Variants in EFHD1 observed in about 807,000 individuals in gnomAD.
EFHD1 encodes the protein EF-hand domain family member D1.
EFHD1 carries 10 observed loss-of-function variants against 17.2 expected under a neutral mutation model. That is an observed-to-expected ratio of 0.58 (90% CI 0.36 to 0.99). The LOEUF (loss-of-function observed/expected upper bound fraction) is 0.99, where lower values mean the gene tolerates loss of function less well. Ranked by LOEUF, EFHD1 falls within the 50% of genes least tolerant of loss-of-function variation. The probability of loss-of-function intolerance (pLI) is 0.01; values close to 1 mark genes in which losing one functional copy is unlikely to be tolerated. For synonymous variants in EFHD1, 153 were observed against 142.0 expected (o/e 1.08, Z -0.55); for missense variants, 310 against 327.5 (o/e 0.95, Z 0.41).
intron 3 of EFHD1, among the ~76,000 whole-genome samples, chr2:232,678,070 T>C (rs531804033): frequency 4.6e-5 from 7 of 151,046 alleles, no homozygotes; most frequent in Non-Finnish European, 1.0e-4. Context: ...CTCACTTGAG[T>C]TTAGGAGTTT....
intron 1 of EFHD1, chr2:232,611,695 A>G (rs1693818587): frequency 6.6e-6 from 1 of 152,310 alleles, no homozygotes; most frequent in Non-Finnish European, 1.5e-5. Context: ...GCCAACAGGA[A>G]GCCTTTGCCC....
intron 2 of EFHD1, among the ~76,000 whole-genome samples, chr2:232,666,658 G>C (rs527458150): frequency 2.0e-5 from 3 of 152,134 alleles, no homozygotes; most frequent in African/African-American, 4.8e-5. Context: ...ATCTCCAAAG[G>C]GTTCCTGTGA....
chr2:232,669,983 C>A (rs1695039324), intron 2 of EFHD1, among the ~76,000 whole-genome samples: 2 of 152,130 alleles, frequency 1.3e-5, no homozygotes, highest in South Asian at 4.1e-4. Context: ...TTTTAGGTAG[C>A]ACCTGAAAAC....
chr2:232,650,827 C>T (rs1251264965), intron 1 of EFHD1, among the ~76,000 whole-genome samples: 1 of 151,870 alleles, frequency 6.6e-6, no homozygotes, highest in African/African-American at 2.4e-5. Flanking sequence ...CCTCAGCCTC[C>T]CAAAGTGCTG....
chr2:232,621,719 T>TG (rs1242010063), intron 1 of EFHD1, among the ~76,000 whole-genome samples: 2 of 152,218 alleles, frequency 1.3e-5, no homozygotes, highest in Non-Finnish European at 2.9e-5. Context: ...CCCAAAGTGC[T>TG]GGGATTACAG....
At chr2:232,678,271 G>GAA (rs200975760) in intron 3 of EFHD1, among the ~76,000 whole-genome samples, 1 of 134,480 alleles carries the variant, frequency 7.4e-6, no homozygotes, top group Admixed American at 7.5e-5. Context: ...ATCTCAAAAA[G>GAA]AAAAAAAAAA....
At chr2:232,649,054 G>A (rs1559347930) in intron 1 of EFHD1, among the ~76,000 whole-genome samples, 1 of 152,164 alleles carries the variant, frequency 6.6e-6, no homozygotes, top group Non-Finnish European at 1.5e-5. Context: ...TTCCATGAAT[G>A]GCAGGATAAT....
At chr2:232,607,033 G>C (rs1693727152) in intron 1 of EFHD1, among the ~76,000 whole-genome samples, 3 of 150,802 alleles carry the variant, frequency 2.0e-5, no homozygotes, top group Admixed American at 2.0e-4. Flanking sequence ...GTCTGGCTCT[G>C]TCGCCCAGGC....
At chr2:232,632,959 G>A (rs545416630), upstream of EFHD1, among the ~76,000 whole-genome samples, 9 of 152,268 alleles carry the variant, frequency 5.9e-5, no homozygotes, top group Non-Finnish European at 1.0e-4. Context: ...AAAAAAACCC[G>A]AGTCCCTGAA....
At chr2:232,674,121 C>G (rs1695129329) in intron 3 of EFHD1, among the ~76,000 whole-genome samples, 1 of 152,138 alleles carries the variant, frequency 6.6e-6, no homozygotes, top group Admixed American at 6.6e-5. Flanking sequence ...ATTGGCCATG[C>G]TGGTGTCAAA....
chr2:232,673,766 C>T (rs12328358), intron 3 of EFHD1, among the ~76,000 whole-genome samples: 1,627 of 152,142 alleles, frequency 0.011, 26 homozygotes, highest in African/African-American at 0.038. Context: ...GATGGAGTGT[C>T]GCTCTGCCAC....
Position 232,672,301 on chromosome 2 carries a change from C to T in EFHD1, c.451-8C>T, listed in dbSNP as rs1695086369. ...TGACTCTGGTTCCCTACTTTCTTTCCCCTGTAGTTCCTGCTCATTTTCCAC... is the reference window on the plus strand; with the variant it reads ...TGACTCTGGTTCCCTACTTTCTTTCTCCTGTAGTTCCTGCTCATTTTCCAC... On this transcript the variant is annotated splice_polypyrimidine_tract_variant and splice_region_variant and intron_variant, in intron 2 of 3. Coordinates refer to ENST00000264059, the MANE Select transcript of EFHD1 (RefSeq NM_025202.4). 1 of 1,614,152 alleles carries T rather than the reference C, an allele frequency of 6.2e-7. No homozygotes were observed. Among genetic ancestry groups the T allele is most frequent in the Non-Finnish European group, 8.5e-7 (1 of 1,180,026 alleles).
chr2:232,626,535 G>A (rs1340103286), intron 1 of EFHD1, among the ~76,000 whole-genome samples: 11 of 152,130 alleles, frequency 7.2e-5, no homozygotes, highest in Non-Finnish European at 1.5e-5. Flanking sequence ...GTGACAGAAT[G>A]ATAACTTGCC....
At chr2:232,676,640 T>C (rs752598057) in intron 3 of EFHD1, among the ~76,000 whole-genome samples, 15 of 152,080 alleles carry the variant, frequency 9.9e-5, no homozygotes, top group Non-Finnish European at 1.8e-4. Flanking sequence ...AGGAAGTGGG[T>C]GCTTCTGGGC....
chr2:232,629,199 G>C (rs928592750), upstream of EFHD1, among the ~76,000 whole-genome samples: 4 of 152,190 alleles, frequency 2.6e-5, no homozygotes, highest in African/African-American at 9.7e-5. Context: ...GCTACCTTCA[G>C]GGATGGTTTG....
At chr2:232,668,411 G>A (rs1165008387) in intron 2 of EFHD1, among the ~76,000 whole-genome samples, 1 of 152,134 alleles carries the variant, frequency 6.6e-6, no homozygotes, top group African/African-American at 2.4e-5. Context: ...ATCTGCCCCA[G>A]ACCTGAGGGT....
chr2:232,670,440 CA>C (rs369519254), intron 2 of EFHD1, among the ~76,000 whole-genome samples: 17,747 of 140,998 alleles, frequency 0.13, 1,394 homozygotes, highest in East Asian at 0.23. Context: ...GACTGCATCT[CA>C]AAAAAAAAAA....
chr2:232,657,509 T>C (rs777573989), intron 1 of EFHD1, among the ~76,000 whole-genome samples: 1 of 152,154 alleles, frequency 6.6e-6, no homozygotes, highest in Non-Finnish European at 1.5e-5. Context: ...TGAATAATGC[T>C]GCTAAGAATA....
In EFHD1 at chr2:232,657,653, T is replaced by C. The variant is rs1694786043; in HGVS notation, c.303-5149T>C. On this transcript the variant is annotated intron_variant, in intron 1 of 3. Coordinates refer to ENST00000264059, the MANE Select transcript of EFHD1 (RefSeq NM_025202.4). ...GATGAAACCCTGTCTCTACTAAAAA[T>C]ACAAAAAATTAGCCGGCCATGGTGG... Among the ~76,000 whole-genome samples, 2 of 151,424 alleles carry C rather than the reference T, an allele frequency of 1.3e-5. 1 individual carries two copies. Among genetic ancestry groups the C allele is most frequent in the South Asian group, 4.2e-4 (2 of 4,804 alleles).
Sources: allele counts gnomAD v4.1 joint callset (sites outside exome capture counted in the v4.1 genomes callset), GRCh38; gene constraint gnomAD v4.1.1; transcripts MANE v1.5; gene names NCBI Gene and HGNC (gene_info 2026-07-23, HGNC 2026-07-21).